HIP1: variants seen among roughly 807,000 people sequenced by gnomAD.
HIP1 encodes the protein huntingtin-interacting protein 1.
In HIP1, 65 loss-of-function variants were observed where a neutral mutation model predicts 147.6. The ratio of observed to expected loss-of-function variants is 0.44; its 90% CI spans 0.36 to 0.54. The LOEUF (loss-of-function observed/expected upper bound fraction) is 0.54, where lower values mean the gene tolerates loss of function less well. HIP1 is among the 20% of genes least tolerant of loss of function. The pLI is 0.00. For synonymous variants in HIP1, 479 were observed against 504.0 expected (o/e 0.95, Z 0.67); for missense variants, 1,061 against 1,299.6 (o/e 0.82, Z 2.82).
At chr7:75,672,917 G>C (rs1799769297) in intron 1 of HIP1, among the ~76,000 whole-genome samples, 1 of 152,022 alleles carries the variant, frequency 6.6e-6, no homozygotes, top group Admixed American at 6.6e-5. Flanking sequence ...CTTATTTCTG[G>C]ACCCCCAATT....
At chr7:75,572,961 T>C (rs984340228) in intron 8 of HIP1, among the ~76,000 whole-genome samples, 136 of 152,188 alleles carry the variant, frequency 8.9e-4, no homozygotes, top group African/African-American at 3.2e-3. Context: ...CGGCACCCAC[T>C]CTGATCTTAG....
At chr7:75,715,509 C>A (rs956797160) in intron 1 of HIP1, among the ~76,000 whole-genome samples, 2 of 151,186 alleles carry the variant, frequency 1.3e-5, no homozygotes, top group Admixed American at 1.3e-4. Flanking sequence ...TGATGGCTCA[C>A]ACCTGTAATC....
rs782591226 is a variant in HIP1, at chr7:75,562,132, A to G, written c.1059T>C (p.Ser353=). Residue 353 remains serine, a synonymous_variant, in exon 12 of 31, where the codon AGT becomes AGC. Coordinates refer to ENST00000336926, the MANE Select transcript of HIP1 (RefSeq NM_005338.7). Reference sequence around the variant, plus strand: ...AATTGAAGGGATCACTGCTGAATGAACTGCCAAAGATGTCATCAAACTTGT... The same window carrying G: ...AATTGAAGGGATCACTGCTGAATGAGCTGCCAAAGATGTCATCAAACTTGT... ...FDNKFDDIFG[S]SFSSDPFNFN... 4.5e-5 allele frequency: 72 copies of G among 1,613,722 alleles called. No individual in the cohort carries two copies. Among genetic ancestry groups the G allele is most frequent in the Non-Finnish European group, 5.3e-5 (63 of 1,179,770 alleles).
At chr7:75,543,374 C>T (rs781876582) in intron 27 of HIP1, among the ~76,000 whole-genome samples, 34 of 152,026 alleles carry the variant, frequency 2.2e-4, no homozygotes, top group Non-Finnish European at 4.7e-4. Flanking sequence ...TTTTTTTAGA[C>T]AGAGTTTGCT....
chr7:75,615,594 G>A (rs1797627086), intron 1 of HIP1, among the ~76,000 whole-genome samples: 3 of 152,040 alleles, frequency 2.0e-5, no homozygotes, highest in Admixed American at 2.0e-4. Context: ...AAGGGACAAA[G>A]ACTGTACTAC....
chr7:75,616,085 C>CAAAAAAAAAAAAA (rs71098042), intron 1 of HIP1, among the ~76,000 whole-genome samples: 19 of 35,298 alleles, frequency 5.4e-4, no homozygotes, highest in African/African-American at 8.2e-4. Flanking sequence ...GACTCTGTCT[C>CAAAAAAAAAAAAA]AAAAAAAAAA....
chr7:75,617,575 C>T (rs1280666122), intron 1 of HIP1, among the ~76,000 whole-genome samples: 1 of 152,186 alleles, frequency 6.6e-6, no homozygotes, highest in African/African-American at 2.4e-5. Flanking sequence ...CGTATGCCAG[C>T]TGCCTCCCTC....
chr7:75,602,280 C>T (rs1486423006), intron 1 of HIP1, among the ~76,000 whole-genome samples: 3 of 135,096 alleles, frequency 2.2e-5, no homozygotes, highest in Admixed American at 1.6e-4. Flanking sequence ...GGATTACAGG[C>T]GTGAGCCACA....
intron 5 of HIP1, among the ~76,000 whole-genome samples, chr7:75,585,963 C>T (rs1299157965): frequency 4.6e-5 from 7 of 151,814 alleles, no homozygotes; most frequent in African/African-American, 1.7e-4. Context: ...TACAGTTGCA[C>T]ACTACCACGC....
intron 1 of HIP1, among the ~76,000 whole-genome samples, chr7:75,673,828 A>AAAAAAAAAG (rs1799802160): frequency 6.7e-6 from 1 of 150,144 alleles, no homozygotes; most frequent in African/African-American, 2.4e-5. Flanking sequence ...TACAAAAAAA[A>AAAAAAAAAG]AAAAAAAATT....
At chr7:75,721,359 G>C (rs1036506748) in intron 1 of HIP1, among the ~76,000 whole-genome samples, 2 of 151,904 alleles carry the variant, frequency 1.3e-5, no homozygotes, top group African/African-American at 2.4e-5. Context: ...GAGCAACAGA[G>C]CAGGACTCTA....
intron 22 of HIP1, among the ~76,000 whole-genome samples, chr7:75,549,538 T>G (rs1554491738): frequency 2.6e-5 from 4 of 151,564 alleles, no homozygotes. Context: ...GCCCAGCTAA[T>G]TTTTATATTT....
At chr7:75,602,006 T>G (rs1465542228) in intron 1 of HIP1, among the ~76,000 whole-genome samples, 3 of 151,926 alleles carry the variant, frequency 2.0e-5, no homozygotes, top group African/African-American at 7.2e-5. Flanking sequence ...AACTTTTTTT[T>G]TTTTTTTCTG....
intron 1 of HIP1, among the ~76,000 whole-genome samples, chr7:75,642,648 A>G (rs936575996): frequency 6.6e-6 from 1 of 152,096 alleles, no homozygotes; most frequent in Non-Finnish European, 1.5e-5. Flanking sequence ...CCATCCATCA[A>G]ACTGCTCATC....
chr7:75,533,644 G>C lies in HIP1; in HGVS notation c.*4528C>G, dbSNP rs1307290513. 4.3e-6 allele frequency: 1 copy of C among 232,486 alleles called. No individual in the cohort carries two copies. The highest frequency in any genetic ancestry group is 8.5e-6 in the Non-Finnish European group (1 of 117,654). 14.4% of individuals were successfully genotyped at this position (232,486 alleles called of 1,614,324 possible). On this transcript the variant is annotated 3_prime_UTR_variant, in exon 31 of 31. Transcript: ENST00000336926. ...TATGAGTGGTAATCAGTTTCATTTA[G>C]GGCCTTCAAACCTGAGGTAGTTGAG...
intron 1 of HIP1, among the ~76,000 whole-genome samples, chr7:75,734,451 AAAAT>A (rs1179139898): frequency 5.9e-5 from 9 of 151,980 alleles, no homozygotes; most frequent in Admixed American, 4.6e-4. Context: ...CTCTTACATA[AAAAT>A]AAATAAAGTA....
chr7:75,651,425 T>C (rs1175338236), intron 1 of HIP1, among the ~76,000 whole-genome samples: 76 of 125,076 alleles, frequency 6.1e-4, no homozygotes, highest in African/African-American at 2.3e-3. Flanking sequence ...TGCCACTGCA[T>C]TCCAGCCTGG....
At chr7:75,666,914 A>C (rs2117234146) in intron 1 of HIP1, among the ~76,000 whole-genome samples, 1 of 152,310 alleles carries the variant, frequency 6.6e-6, no homozygotes, top group South Asian at 2.1e-4. Flanking sequence ...AAATCATACT[A>C]AGCAAAAAAG....
chr7:75,543,940 AG>A (rs1695072746), intron 27 of HIP1, among the ~76,000 whole-genome samples: 1 of 152,162 alleles, frequency 6.6e-6, no homozygotes, highest in African/African-American at 2.4e-5. Flanking sequence ...TGGGAGGCTG[AG>A]GTGGGTGGAT....
Sources: allele counts gnomAD v4.1 joint callset (sites outside exome capture counted in the v4.1 genomes callset), GRCh38; gene constraint gnomAD v4.1.1; transcripts MANE v1.5; gene names NCBI Gene and HGNC (gene_info 2026-07-23, HGNC 2026-07-21).